The following NHEJ1 variants were observed in gnomAD, a reference collection of about 807,000 sequenced individuals.
NHEJ1 encodes non-homologous end-joining factor 1.
In NHEJ1, 22 loss-of-function variants were observed where a neutral mutation model predicts 39.4. The observed-to-expected ratio is 0.56, with a 90% CI of 0.40 to 0.80. The LOEUF (loss-of-function observed/expected upper bound fraction) is 0.80. NHEJ1 is among the 30% of genes least tolerant of loss of function. The pLI, the probability that NHEJ1 is intolerant of heterozygous loss-of-function variation, is 0.00. For missense variants in NHEJ1, 329 were observed against 357.1 expected, an observed-to-expected ratio of 0.92 and a Z score of 0.63; for synonymous variants, 154 against 135.6, an observed-to-expected ratio of 1.14 and a Z score of -0.94.
chr2:219,080,169 A>G (rs1949049286), intron 5 of NHEJ1, among the ~76,000 whole-genome samples: 1 of 152,030 alleles, frequency 6.6e-6, no homozygotes, highest in Non-Finnish European at 1.5e-5. Context: ...AGTTGCTGGC[A>G]AAGTTATTCC....
intron 5 of NHEJ1, chr2:219,095,240 T>C: frequency 2.1e-6 from 1 of 467,432 alleles, no homozygotes; most frequent in Middle Eastern, 3.3e-4. Context: ...TGTGAGACAG[T>C]ATGTCAGGGA....
At chr2:219,098,871 T>C (rs1949231849) in intron 5 of NHEJ1, among the ~76,000 whole-genome samples, 1 of 152,158 alleles carries the variant, frequency 6.6e-6, no homozygotes, top group African/African-American at 2.4e-5. Context: ...TTTGACTGCA[T>C]AGGTATGGAG....
At chr2:219,158,442 C>G in intron 1 of NHEJ1, 80 bp from the exon 2 acceptor site, 2 of 1,339,842 alleles carry the variant, frequency 1.5e-6, no homozygotes, top group Non-Finnish European at 2.1e-6. Context: ...CAGTCTGTAT[C>G]AACTAAAATC....
At chr2:219,081,993 T>C (rs554110521) in intron 5 of NHEJ1, among the ~76,000 whole-genome samples, 1 of 152,342 alleles carries the variant, frequency 6.6e-6, no homozygotes, top group South Asian at 2.1e-4. Context: ...TGGGAATTTC[T>C]TTTTGTTTCA....
chr2:219,112,178 T>C (rs939051589), intron 5 of NHEJ1, among the ~76,000 whole-genome samples: 3 of 152,170 alleles, frequency 2.0e-5, no homozygotes, highest in African/African-American at 7.2e-5. Context: ...CCCTGGCCCT[T>C]GGTCAAAGCA....
chr2:219,076,551 T>A, intron 7 of NHEJ1, 96 bp from the exon 8 acceptor site: 1 of 926,930 alleles, frequency 1.1e-6, no homozygotes, highest in Non-Finnish European at 1.6e-6. Context: ...CTGGTTAGGA[T>A]GAGGCCTTTT....
intron 3 of NHEJ1, among the ~76,000 whole-genome samples, chr2:219,151,736 G>A (rs1449716511): frequency 6.6e-6 from 1 of 152,154 alleles, no homozygotes; most frequent in Non-Finnish European, 1.5e-5. Context: ...GGAAGCTGAG[G>A]TGGGCAGATG....
intron 5 of NHEJ1, among the ~76,000 whole-genome samples, chr2:219,146,352 G>A (rs992947462): frequency 2.0e-5 from 3 of 152,116 alleles, no homozygotes; most frequent in Non-Finnish European, 2.9e-5. Flanking sequence ...CAGACCTTAC[G>A]ACCAGATCTC....
intron 5 of NHEJ1, among the ~76,000 whole-genome samples, chr2:219,131,617 AG>A (rs1949579702): frequency 6.6e-6 from 1 of 152,234 alleles, no homozygotes; most frequent in African/African-American, 2.4e-5. Flanking sequence ...ATTAATAAAT[AG>A]TTACTCCTTG....
chr2:219,157,582 T>G lies in NHEJ1; in HGVS notation c.280A>C (p.Thr94Pro). ...TCTGCCACACAATCACAGGAGAAGG[T>G]AGCTTCGCTAGGGTGAGCAGCGTCC... is the stretch of plus-strand genomic sequence containing the variant. The part of the protein sequence containing the change: ...LKDAAHPSEA[T>P]FSCDCVADAL... Residue 94 changes from threonine (T) to proline (P), a missense_variant, in exon 3 of 8, where the codon ACC becomes CCC. Physicochemically the swap from Thr to Pro is conservative, Grantham distance 38 (BLOSUM62 -1). Transcript: ENST00000356853. 1 of 1,614,164 alleles carries G rather than the reference T, an allele frequency of 6.2e-7. No individual in the cohort carries two copies.
intron 5 of NHEJ1, among the ~76,000 whole-genome samples, chr2:219,080,459 A>G (rs1015629083): frequency 6.6e-6 from 1 of 151,574 alleles, no homozygotes; most frequent in African/African-American, 2.4e-5. Context: ...CGGCAGGCAG[A>G]GCTTGCGGTG....
chr2:219,115,652 T>TCAGC (rs1949406881), intron 5 of NHEJ1, among the ~76,000 whole-genome samples: 2 of 152,168 alleles, frequency 1.3e-5, no homozygotes, highest in African/African-American at 4.8e-5. Flanking sequence ...CTCTTAACAC[T>TCAGC]CAGCCACTGT....
At position 219,072,774 on chromosome 2, in the gene NHEJ1, A is replaced by G. The variant is rs1948973270; in HGVS notation, c.*3607T>C. ...AGGGCTATTAAGAGAATTTAGGCTT[A>G]CTCTATACTCTCTGGAGCGAATCTG... On this transcript the variant is annotated 3_prime_UTR_variant, in exon 8 of 8. Coordinates refer to ENST00000356853, the MANE Select transcript of NHEJ1 (RefSeq NM_024782.3). Among the ~76,000 whole-genome samples, 1 of 152,014 alleles carries G rather than the reference A, an allele frequency of 6.6e-6. No individual in the cohort carries two copies. The highest frequency in any genetic ancestry group is 1.5e-5 in the Non-Finnish European group (1 of 68,038).
intron 5 of NHEJ1, among the ~76,000 whole-genome samples, chr2:219,127,676 G>C (rs1949538104): frequency 6.6e-6 from 1 of 152,166 alleles, no homozygotes; most frequent in Admixed American, 6.5e-5. Flanking sequence ...TGACCAAACA[G>C]GTGATCAATC....
In NHEJ1 at chr2:219,111,873, A is replaced by G. The variant is rs796650102; in HGVS notation, c.589-33667T>C. 2.6e-5 allele frequency among the ~76,000 whole-genome samples: 4 copies of G among 152,306 alleles called. No individual in the cohort carries two copies. Among genetic ancestry groups the G allele is most frequent in the African/African-American group, 9.6e-5 (4 of 41,572 alleles). ...CTGCCCCACGCGCTTGGCCAGCATC[A>G]TGGCAGGATGGGGCGAGGCCATGCT... On this transcript the variant is annotated intron_variant, in intron 5 of 7. Coordinates refer to ENST00000356853, the MANE Select transcript of NHEJ1 (RefSeq NM_024782.3). This position sits in a 1 kb window ranked among gnomAD's most constrained non-coding sequence, Gnocchi z 4.1.
chr2:219,158,443 A>T (rs1458867281), intron 1 of NHEJ1, 81 bp from the exon 2 acceptor site: 2 of 1,342,776 alleles, frequency 1.5e-6, no homozygotes, highest in African/African-American at 2.9e-5. Flanking sequence ...AGTCTGTATC[A>T]ACTAAAATCT....
chr2:219,118,569 T>C (rs1949437583), intron 5 of NHEJ1, among the ~76,000 whole-genome samples: 2 of 152,012 alleles, frequency 1.3e-5, no homozygotes, highest in Admixed American at 1.3e-4. Flanking sequence ...CGCTGAGGTT[T>C]CTCGGGTGAA....
chr2:219,076,684 C>G (rs1232363649), intron 7 of NHEJ1, among the ~76,000 whole-genome samples: 1 of 151,408 alleles, frequency 6.6e-6, no homozygotes, highest in African/African-American at 2.4e-5. Flanking sequence ...GCTGAGACCA[C>G]AGGCACATGC....
At chr2:219,143,573 G>C (rs1267815244) in intron 5 of NHEJ1, among the ~76,000 whole-genome samples, 1 of 152,150 alleles carries the variant, frequency 6.6e-6, no homozygotes, top group East Asian at 1.9e-4. Context: ...ACCTCTCTGA[G>C]GCTCAACTTC....
Sources: allele counts gnomAD v4.1 joint callset (sites outside exome capture counted in the v4.1 genomes callset), GRCh38; gene constraint gnomAD v4.1.1; non-coding constraint Gnocchi (gnomAD v3.1); transcripts MANE v1.5; gene names NCBI Gene and HGNC (gene_info 2026-07-23, HGNC 2026-07-21).